The following FRY variants were observed in gnomAD, a reference collection of about 807,000 sequenced individuals.
FRY encodes the protein protein furry homolog.
A neutral mutation model predicts 348.4 loss-of-function variants in FRY; 128 were observed. That is an observed-to-expected ratio of 0.37 (90% CI 0.32 to 0.43). The LOEUF (loss-of-function observed/expected upper bound fraction) is 0.43, where lower values mean the gene tolerates loss of function less well. Ranked by LOEUF, FRY falls within the 20% of genes least tolerant of loss-of-function variation. The pLI is 1.00. For synonymous variants in FRY, 1,370 were observed against 1,374.7 expected (o/e 1.00, Z 0.08); for missense variants, 2,736 against 3,695.2 (o/e 0.74, Z 6.73).
At chr13:32,049,373 G>A (rs1873197953) in intron 1 of FRY, among the ~76,000 whole-genome samples, 1 of 152,198 alleles carries the variant, frequency 6.6e-6, no homozygotes, top group African/African-American at 2.4e-5. Flanking sequence ...AGATGACAGG[G>A]AGCATGGAAG....
At chr13:32,137,185 A>G (rs1305463735) in intron 11 of FRY, among the ~76,000 whole-genome samples, 1 of 152,232 alleles carries the variant, frequency 6.6e-6, no homozygotes, top group Admixed American at 6.5e-5. Flanking sequence ...AGATTTGGGA[A>G]AAATAAATCT....
At chr13:32,089,777 G>A (rs77757919) in intron 2 of FRY, among the ~76,000 whole-genome samples, 1 of 91,072 alleles carries the variant, frequency 1.1e-5, no homozygotes, top group African/African-American at 6.7e-5. Context: ...AAGAAAAAAA[G>A]AAGAAGGAAT....
intron 51 of FRY, among the ~76,000 whole-genome samples, chr13:32,260,038 T>C (rs755933037): frequency 1.3e-5 from 2 of 152,224 alleles, no homozygotes; most frequent in Non-Finnish European, 2.9e-5. Context: ...GATTTGTGCC[T>C]GTTGCCTTCT....
At position 32,249,614 on chromosome 13, in the gene FRY, C is replaced by A; in HGVS notation, c.7097C>A (p.Thr2366Lys). The change falls in exon 49 of 61, where the codon ACA (threonine) becomes AAA (lysine). Residue 2366 changes from threonine to lysine, a missense_variant. This residue lies in a region of FRY where 789 missense variants were observed against 996.2 expected (regional missense o/e 0.79). Coordinates refer to ENST00000542859, the MANE Select transcript of FRY (RefSeq NM_023037.3). ...KPRAMAVTRS[T>K]SSTSSGSNSN... Reference sequence around the variant, plus strand: ...AGGGCCATGGCCGTCACCCGGAGCACATCTTCCACTTCCTCAGGCTCCAAC... The same window carrying A: ...AGGGCCATGGCCGTCACCCGGAGCAAATCTTCCACTTCCTCAGGCTCCAAC... 6.2e-7 allele frequency: 1 copy of A among 1,614,194 alleles called. No individual in the cohort carries two copies. The highest frequency in any genetic ancestry group is 8.5e-7 in the Non-Finnish European group (1 of 1,180,016).
intron 29 of FRY, among the ~76,000 whole-genome samples, chr13:32,196,126 A>G (rs1054287144): frequency 6.6e-6 from 1 of 152,192 alleles, no homozygotes; most frequent in African/African-American, 2.4e-5. Context: ...GTTTGCTTCT[A>G]AAAAGCAACT....
chr13:32,268,505 A>AAAAAAAAATATATATAT (rs1555273232), intron 55 of FRY, among the ~76,000 whole-genome samples: 1 of 28,306 alleles, frequency 3.5e-5, no homozygotes, highest in African/African-American at 9.3e-5. Context: ...AAAAAAAAAA[A>AAAAAAAAATATATATAT]ATATATATAT....
intron 36 of FRY, among the ~76,000 whole-genome samples, chr13:32,221,842 G>T (rs1036400573): frequency 7.9e-5 from 12 of 152,132 alleles, no homozygotes; most frequent in African/African-American, 2.7e-4. Flanking sequence ...ATATTGTGAC[G>T]TTCATTCATT....
At chr13:32,181,423 C>T (rs139832217) in intron 23 of FRY, among the ~76,000 whole-genome samples, 8 of 150,876 alleles carry the variant, frequency 5.3e-5, no homozygotes, top group East Asian at 2.0e-4. Context: ...GGTGAAATCC[C>T]GTCTCTATTA....
intron 16 of FRY, among the ~76,000 whole-genome samples, chr13:32,159,973 TAAGAA>T (rs1881348725): frequency 6.6e-6 from 1 of 152,194 alleles, no homozygotes; most frequent in Non-Finnish European, 1.5e-5. Flanking sequence ...ATAAGATTAT[TAAGAA>T]AATAATCTTA....
intron 35 of FRY, 48 bp from the exon 36 acceptor site, chr13:32,218,701 A>C (rs1267178465): frequency 9.9e-7 from 1 of 1,010,040 alleles, no homozygotes; most frequent in Non-Finnish European, 1.5e-6. Flanking sequence ...AAAAAAGCGC[A>C]TATGCACACA....
chr13:32,209,949 T>G (rs1884591027), intron 33 of FRY, among the ~76,000 whole-genome samples: 2 of 152,250 alleles, frequency 1.3e-5, no homozygotes, highest in Non-Finnish European at 2.9e-5. Context: ...CTCCTTACTC[T>G]GAGCCTTGGG....
chr13:32,036,317 T>C (rs1872511260), intron 1 of FRY, among the ~76,000 whole-genome samples: 1 of 152,126 alleles, frequency 6.6e-6, no homozygotes, highest in South Asian at 2.1e-4. Flanking sequence ...GAAGGAGACT[T>C]ACTCCAGTGT....
chr13:32,257,648 CA>C (rs1449524857), intron 51 of FRY, among the ~76,000 whole-genome samples: 1 of 151,856 alleles, frequency 6.6e-6, no homozygotes, highest in Admixed American at 6.6e-5. Flanking sequence ...TTAGGCATTC[CA>C]AAAAAGTGTT....
At chr13:32,057,630 A>G (rs1410733711) in intron 1 of FRY, among the ~76,000 whole-genome samples, 2 of 152,184 alleles carry the variant, frequency 1.3e-5, no homozygotes, top group African/African-American at 4.8e-5. Context: ...CCGTGAAGGT[A>G]GATGCATTGG....
At chr13:32,049,702 G>C (rs1320642332) in intron 1 of FRY, among the ~76,000 whole-genome samples, 3 of 152,192 alleles carry the variant, frequency 2.0e-5, no homozygotes, top group Non-Finnish European at 4.4e-5. Flanking sequence ...AATGACCCAG[G>C]AAAGAGACAA....
intron 4 of FRY, among the ~76,000 whole-genome samples, chr13:32,119,756 G>A (rs905582988): frequency 2.0e-5 from 3 of 152,066 alleles, no homozygotes; most frequent in South Asian, 2.1e-4. Flanking sequence ...TCGCAGTGCC[G>A]CTTACTAGTT....
At chr13:32,192,503 A>G (rs568040803) in intron 28 of FRY, among the ~76,000 whole-genome samples, 1 of 151,960 alleles carries the variant, frequency 6.6e-6, no homozygotes, top group African/African-American at 2.4e-5. Context: ...TAGTAGAGAC[A>G]TGTTATTTTA....
intron 16 of FRY, among the ~76,000 whole-genome samples, chr13:32,159,029 C>G (rs1421528771): frequency 6.9e-6 from 1 of 144,888 alleles, no homozygotes; most frequent in East Asian, 2.1e-4. Context: ...AAGATAGGTT[C>G]AGGACAAAAA....
intron 58 of FRY, among the ~76,000 whole-genome samples, chr13:32,283,017 T>C (rs530667743): frequency 1.5e-4 from 23 of 151,968 alleles, no homozygotes; most frequent in African/African-American, 5.5e-4. Flanking sequence ...GGTGGGTGCC[T>C]GTAATCCCAG....
Sources: gnomAD v4.1 joint callset for allele counts (sites outside exome capture counted in the v4.1 genomes callset) on GRCh38, gnomAD v4.1.1 for gene constraint, gnomAD v4.1.1 regional missense constraint, MANE v1.5 for transcripts, NCBI Gene and HGNC (gene_info 2026-07-23, HGNC 2026-07-21) for gene names.